AKAP6: variants seen among roughly 807,000 people sequenced by gnomAD.
AKAP6 encodes the protein A-kinase anchor protein 6.
In AKAP6, 58 loss-of-function variants were observed where a neutral mutation model predicts 188.5. The observed-to-expected ratio is 0.31, with a 90% CI of 0.25 to 0.38. The LOEUF (loss-of-function observed/expected upper bound fraction) is 0.38, where lower values mean the gene tolerates loss of function less well. AKAP6 is among the 10% of genes least tolerant of loss of function. The probability of loss-of-function intolerance (pLI) is 1.00; values close to 1 mark genes in which losing one functional copy is unlikely to be tolerated. For missense variants in AKAP6, 2,710 were observed against 2,740.0 expected (o/e 0.99, Z 0.24); for synonymous variants, 989 against 998.6 (o/e 0.99, Z 0.18).
rs1594587532 is a variant in AKAP6 at position 32,411,081 on chromosome 14, C to T, written c.-34-22379C>T. The stretch of plus-strand genomic sequence containing the variant: ...TTTTCAACCAGGAGTGATTTTGCTC[C>T]TTATAGGACATTTGGCAATATTTAG... On this transcript the variant is annotated intron_variant, in intron 1 of 13. Coordinates refer to ENST00000280979, the MANE Select transcript of AKAP6 (RefSeq NM_004274.5). Among the ~76,000 whole-genome samples, 4 of 152,216 alleles carry T rather than the reference C, an allele frequency of 2.6e-5. No individual in the cohort carries two copies. The East Asian group carries it at 7.7e-4, about 29-fold the overall frequency.
intron 11 of AKAP6, among the ~76,000 whole-genome samples, chr14:32,739,922 T>C (rs1397353051): frequency 6.6e-6 from 1 of 152,116 alleles, no homozygotes; most frequent in Non-Finnish European, 1.5e-5. Context: ...ATGGTAGCTC[T>C]ATTTTTAGTT....
At chr14:32,523,554 C>T (rs904729901) in intron 2 of AKAP6, among the ~76,000 whole-genome samples, 11 of 151,238 alleles carry the variant, frequency 7.3e-5, no homozygotes, top group African/African-American at 1.7e-4. Flanking sequence ...CTGCAACATC[C>T]GCCTCCCAGG....
chr14:32,723,154 T>C (rs1297205496), intron 9 of AKAP6, among the ~76,000 whole-genome samples: 1 of 152,118 alleles, frequency 6.6e-6, no homozygotes, highest in African/African-American at 2.4e-5. Context: ...TGTGAAGGGG[T>C]CAAGGGAACT....
At chr14:32,623,984 G>T (rs989064391) in intron 7 of AKAP6, among the ~76,000 whole-genome samples, 1 of 152,138 alleles carries the variant, frequency 6.6e-6, no homozygotes, top group Non-Finnish European at 1.5e-5. Flanking sequence ...TGGGAGAAGA[G>T]AGTAGAGTGG....
intron 5 of AKAP6, among the ~76,000 whole-genome samples, chr14:32,597,288 G>C (rs975523618): frequency 6.6e-6 from 1 of 152,048 alleles, no homozygotes; most frequent in African/African-American, 2.4e-5. Flanking sequence ...ATTCAAAACA[G>C]GTCTATTGTA....
Position 32,545,930 on chromosome 14 carries a change from C to G in AKAP6, c.1277C>G (p.Pro426Arg). 1 of 1,614,198 alleles carries G rather than the reference C, an allele frequency of 6.2e-7. No individual in the cohort carries two copies. Among genetic ancestry groups the G allele is most frequent in the South Asian group, 1.1e-5 (1 of 91,080 alleles). ...AAGCCTGAGATGAGCAGAAGCACCC[C>G]TTCGCTAGTAGATCCTCCTGACAGA... ...DLKPEMSRST[P>R]SLVDPPDRSK... Residue 426 changes from proline to arginine, a missense_variant, in exon 4 of 14, where the codon CCT becomes CGT. Coordinates refer to ENST00000280979, the MANE Select transcript of AKAP6 (RefSeq NM_004274.5).
chr14:32,634,845 TTAAG>T (rs1887419092), intron 7 of AKAP6, among the ~76,000 whole-genome samples: 1 of 152,116 alleles, frequency 6.6e-6, no homozygotes, highest in African/African-American at 2.4e-5. Context: ...TAAAAACATA[TTAAG>T]TGAGGCTTGT....
chr14:32,531,897 T>A (rs886727830), intron 2 of AKAP6, among the ~76,000 whole-genome samples: 5 of 152,218 alleles, frequency 3.3e-5, no homozygotes, highest in African/African-American at 1.2e-4. Context: ...GAAGGACCAC[T>A]TACCCATGAT....
chr14:32,748,565 A>G (rs547569181), intron 11 of AKAP6, among the ~76,000 whole-genome samples: 1 of 152,328 alleles, frequency 6.6e-6, no homozygotes, highest in East Asian at 1.9e-4. Flanking sequence ...TTGGGGTTTC[A>G]CCTACTTTGG....
At chr14:32,596,744 A>G (rs1164638386) in intron 5 of AKAP6, among the ~76,000 whole-genome samples, 1 of 152,318 alleles carries the variant, frequency 6.6e-6, no homozygotes, top group Non-Finnish European at 1.5e-5. Context: ...ATTGCTGAAT[A>G]ATGGAAATGT....
chr14:32,456,496 A>C (rs1333320901), intron 2 of AKAP6, among the ~76,000 whole-genome samples: 1 of 152,234 alleles, frequency 6.6e-6, no homozygotes, highest in Non-Finnish European at 1.5e-5. Context: ...AACATGCAAA[A>C]TTTTTTGTTT....
chr14:32,759,553 TACCTGAG>T (rs2032466034), intron 11 of AKAP6, among the ~76,000 whole-genome samples: 1 of 152,202 alleles, frequency 6.6e-6, no homozygotes, highest in Admixed American at 6.5e-5. Flanking sequence ...TATAAAGAGA[TACCTGAG>T]ACTGGGTAAT....
chr14:32,770,565 C>G (rs1458899111), intron 11 of AKAP6, among the ~76,000 whole-genome samples: 4 of 152,288 alleles, frequency 2.6e-5, no homozygotes, highest in African/African-American at 9.6e-5. Context: ...GCTTCACTGT[C>G]TCTCCCCAAC....
chr14:32,490,617 G>GGAGGA (rs1879961023), intron 2 of AKAP6, among the ~76,000 whole-genome samples: 1 of 152,106 alleles, frequency 6.6e-6, no homozygotes, highest in Non-Finnish European at 1.5e-5. Context: ...CCTCCTTAGT[G>GGAGGA]GGTTCTGAGC....
chr14:32,693,761 A>G (rs1890277501), intron 8 of AKAP6: 1 of 152,100 alleles, frequency 6.6e-6, no homozygotes, highest in South Asian at 2.1e-4. Context: ...AATCCCTTGA[A>G]TCAGATACTC....
chr14:32,430,929 A>T (rs1274606499), intron 1 of AKAP6, among the ~76,000 whole-genome samples: 2 of 152,030 alleles, frequency 1.3e-5, no homozygotes, highest in Non-Finnish European at 2.9e-5. Flanking sequence ...ACACAGTGAA[A>T]CCCTGTCTCT....
At position 32,735,881 on chromosome 14, in the gene AKAP6, A is replaced by G. The variant is rs1566676078; in HGVS notation, c.3371A>G (p.Lys1124Arg). ...ACTGAGAAACAACTGCAATACTTTA[A>G]GGTAATAAAAAAACAATCAAAGTTG... ...MNTEKQLQYF[K>R]SLCREIKQRR... The change falls in exon 11 of 14, where the codon AAG becomes AGG. Residue 1124 changes from lysine to arginine, a missense_variant and splice_region_variant. Coordinates refer to ENST00000280979, the MANE Select transcript of AKAP6 (RefSeq NM_004274.5). 1.9e-6 allele frequency: 3 copies of G among 1,574,184 alleles called. No homozygotes were observed. Among genetic ancestry groups the G allele is most frequent in the Admixed American group, 4.0e-5 (2 of 50,016 alleles).
intron 7 of AKAP6, among the ~76,000 whole-genome samples, chr14:32,636,160 T>C (rs1299948184): frequency 6.6e-6 from 1 of 152,136 alleles, no homozygotes; most frequent in Non-Finnish European, 1.5e-5. Context: ...AAATAACAGA[T>C]TTTGAAATGC....
chr14:32,510,492 A>ATATACATATATATATATG (rs1881201524), intron 2 of AKAP6, among the ~76,000 whole-genome samples: 1 of 113,442 alleles, frequency 8.8e-6, no homozygotes, highest in Admixed American at 9.6e-5. Context: ...ATATATGTGT[A>ATATACATATATATATATG]TATATATATA....
Sources: gnomAD v4.1 joint callset for allele counts (sites outside exome capture counted in the v4.1 genomes callset) on GRCh38, gnomAD v4.1.1 for gene constraint, MANE v1.5 for transcripts, NCBI Gene and HGNC (gene_info 2026-07-23, HGNC 2026-07-21) for gene names.